The following TG variants were observed in gnomAD, a reference collection of about 807,000 sequenced individuals.
TG encodes the protein thyroid hormones.
Under a neutral mutation model 324.7 loss-of-function variants are expected in TG, and 270 were observed. That is an observed-to-expected ratio of 0.83 (90% CI 0.75 to 0.92). The LOEUF is 0.92. Ranked by LOEUF, TG falls within the 40% of genes least tolerant of loss-of-function variation. TG has a pLI of 0.00. For missense variants in TG, 3,591 were observed against 3,456.4 expected (o/e 1.04, Z -0.98); for synonymous variants, 1,401 against 1,327.0 (o/e 1.06, Z -1.21).
chr8:132,940,353 A>C (rs1411297632), intron 25 of TG, among the ~76,000 whole-genome samples: 1 of 152,214 alleles, frequency 6.6e-6, no homozygotes, highest in Non-Finnish European at 1.5e-5. Flanking sequence ...CATTTAGGCT[A>C]TAGTGCTCTA....
At chr8:132,918,553 G>A (rs1264607045) in intron 20 of TG, among the ~76,000 whole-genome samples, 2 of 152,166 alleles carry the variant, frequency 1.3e-5, no homozygotes, top group East Asian at 3.9e-4. Context: ...GACAGTAGTT[G>A]CTAAATCAAC....
intron 35 of TG, among the ~76,000 whole-genome samples, chr8:132,987,073 A>AG (rs1831657038): frequency 2.0e-5 from 3 of 151,544 alleles, no homozygotes; most frequent in South Asian, 2.1e-4. Context: ...AAAAAAAAAA[A>AG]GATGGAGCAT....
At chr8:132,939,340 A>G (rs1008240488) in intron 25 of TG, among the ~76,000 whole-genome samples, 1 of 152,344 alleles carries the variant, frequency 6.6e-6, no homozygotes, top group East Asian at 1.9e-4. Context: ...GGAGAATCAC[A>G]TGCTGTAGGG....
rs1825466272 is a variant in TG at position 132,947,351 on chromosome 8, C to T, written c.5234-1425C>T. Among the ~76,000 whole-genome samples, 3 of 152,164 alleles carry T rather than the reference C, an allele frequency of 2.0e-5. No homozygotes were observed. The South Asian group carries it at 6.2e-4, about 31-fold the overall frequency. ...AAAACCCTCCCTGCATTTCTGATGT[C>T]ATCAGTCTAAGCATCCTTGTTCAGA... On this transcript the variant is annotated intron_variant, in intron 26 of 47. Transcript: ENST00000220616.
At chr8:132,930,633 C>T (rs1470920904) in intron 23 of TG, among the ~76,000 whole-genome samples, 16 of 150,778 alleles carry the variant, frequency 1.1e-4, no homozygotes, top group East Asian at 3.9e-4. Context: ...TGCAGTGAGC[C>T]GAGATCGCTC....
intron 18 of TG, 38 bp from the exon 19 acceptor site, chr8:132,911,339 T>C (rs1385091260): frequency 2.5e-6 from 4 of 1,614,038 alleles, no homozygotes; most frequent in African/African-American, 2.7e-5. Flanking sequence ...AGCTTTCTAC[T>C]CTGTGTTCTT....
intron 37 of TG, among the ~76,000 whole-genome samples, chr8:133,014,834 A>G (rs1587765369): frequency 6.6e-6 from 1 of 152,076 alleles, no homozygotes; most frequent in Non-Finnish European, 1.5e-5. Context: ...TAGGCCCTCA[A>G]TCGTAAGTCT....
intron 45 of TG, among the ~76,000 whole-genome samples, chr8:133,121,833 C>T (rs1467132830): frequency 6.8e-6 from 1 of 147,630 alleles, no homozygotes; most frequent in Non-Finnish European, 1.5e-5. Flanking sequence ...GTAGATGTCT[C>T]CTCTCTCCAT....
intron 41 of TG, among the ~76,000 whole-genome samples, chr8:133,054,962 G>C (rs1283380649): frequency 6.6e-6 from 1 of 152,150 alleles, no homozygotes; most frequent in African/African-American, 2.4e-5. Flanking sequence ...CTAGTCGTTT[G>C]TCACTTCCAG....
chr8:132,941,230 C>T, intron 25 of TG, 121 bp from the exon 26 acceptor site: 2 of 1,211,150 alleles, frequency 1.7e-6, no homozygotes, highest in Non-Finnish European at 2.4e-6. Flanking sequence ...CATCTTGGCC[C>T]ACACGCTGCC....
chr8:132,898,954 G>C, intron 14 of TG, 44 bp downstream of exon 14: 2 of 1,512,756 alleles, frequency 1.3e-6, no homozygotes, highest in South Asian at 2.3e-5. Context: ...ACTTGTCCCC[G>C]CTGGTCAGAG....
At chr8:132,986,410 G>A (rs373598979) in intron 35 of TG, among the ~76,000 whole-genome samples, 2 of 148,398 alleles carry the variant, frequency 1.3e-5, no homozygotes, top group African/African-American at 5.0e-5. Flanking sequence ...ATATGTATGT[G>A]TATATATATA....
intron 3 of TG, 54 bp downstream of exon 3, chr8:132,869,880 T>C: frequency 6.5e-7 from 1 of 1,533,478 alleles, no homozygotes. Context: ...ACAACTCACT[T>C]CCAGGAATGA....
At chr8:132,910,137 C>G (rs1400276715) in intron 18 of TG, among the ~76,000 whole-genome samples, 2 of 152,188 alleles carry the variant, frequency 1.3e-5, no homozygotes, top group Non-Finnish European at 2.9e-5. Flanking sequence ...CTCACCTTCA[C>G]CAGGGGTGTG....
rs530796551 is a variant in TG at position 133,105,613 on chromosome 8, G to A, written c.7573-7809G>A. Among the ~76,000 whole-genome samples, 9 of 152,258 alleles carry A rather than the reference G, an allele frequency of 5.9e-5. No individual in the cohort carries two copies. The East Asian group carries it at 1.3e-3, about 23-fold the overall frequency. ...CCTGAGAGATTTCCAGGTGATGTGA[G>A]GCATTTATATGAAGGTATGAGGTTC... On this transcript the variant is annotated intron_variant, in intron 43 of 47. Coordinates refer to ENST00000220616, the MANE Select transcript of TG (RefSeq NM_003235.5).
At chr8:132,983,131 A>G (rs28433340) in intron 34 of TG, among the ~76,000 whole-genome samples, 25,674 of 152,092 alleles carry the variant, frequency 0.17, 2,672 homozygotes, top group Middle Eastern at 0.32. Context: ...CAGGTGGTAC[A>G]AGGAGAGGGA....
intron 40 of TG, 103 bp from the exon 41 acceptor site, chr8:133,029,718 C>A (rs2130987285): frequency 1.4e-6 from 2 of 1,403,884 alleles, no homozygotes; most frequent in Non-Finnish European, 2.0e-6. Flanking sequence ...GAGCCCAGAG[C>A]CCCTGGCGGG....
In TG at chr8:132,971,786, T is replaced by C. The variant is rs772759253; in HGVS notation, c.5976-8T>C. 2.5e-6 allele frequency: 4 copies of C among 1,609,236 alleles called. No homozygotes were observed. In the South Asian group the frequency reaches 4.4e-5, roughly 18 times the overall value. ...CCTTCAGGCCTGCTCTTTCTCTTCC[T>C]ATGCCAGGTTCTTTGAATGTGAACG... On this transcript the variant is annotated splice_region_variant and splice_polypyrimidine_tract_variant and intron_variant, in intron 32 of 47. Transcript: ENST00000220616.
intron 10 of TG, among the ~76,000 whole-genome samples, chr8:132,890,904 T>C (rs975640314): frequency 2.0e-5 from 3 of 152,204 alleles, no homozygotes; most frequent in African/African-American, 7.2e-5. Flanking sequence ...TTTTGCTTGC[T>C]TTATTTAATA....
Sources: gnomAD v4.1 joint callset for allele counts (sites outside exome capture counted in the v4.1 genomes callset) on GRCh38, gnomAD v4.1.1 for gene constraint, MANE v1.5 for transcripts, NCBI Gene and HGNC (gene_info 2026-07-23, HGNC 2026-07-21) for gene names.